Variants in RAI14 observed in about 807,000 individuals in gnomAD.
The protein encoded by RAI14 is ankycorbin.
Under a neutral mutation model 115.4 loss-of-function variants are expected in RAI14, and 45 were observed. That is an observed-to-expected ratio of 0.39 (90% confidence interval 0.31 to 0.50). The LOEUF is 0.50. Among genes scored for constraint, RAI14 ranks in the 20% least tolerant of loss-of-function variants. The pLI, the probability that RAI14 is intolerant of heterozygous loss-of-function variation, is 0.85. For missense variants in RAI14, 939 were observed against 1,131.2 expected (o/e 0.83, Z 2.44); for synonymous variants, 371 against 415.4 (o/e 0.89, Z 1.30).
intron 3 of RAI14, among the ~76,000 whole-genome samples, chr5:34,761,394 G>C (rs1268601575): frequency 2.0e-5 from 3 of 152,088 alleles, no homozygotes; most frequent in African/African-American, 7.2e-5. Flanking sequence ...TGTAATGATG[G>C]GGTCTTGCTG....
At chr5:34,727,730 A>G (rs1372247939) in intron 2 of RAI14, among the ~76,000 whole-genome samples, 36 of 152,212 alleles carry the variant, frequency 2.4e-4, no homozygotes, top group Admixed American at 2.4e-3. Flanking sequence ...ACAGGTGCCC[A>G]GAAATCAAGA....
rs747432780 is a variant in RAI14, at chr5:34,818,816, G to A, written c.959G>A (p.Arg320Gln). ...PPFKAEISSI[R>Q]ENKDRLSDST... ...CAATAGGCTGAGATCAGTTCTATAC[G>A]AGAAAACAAAGACAGACTAAGTGAC... The change falls in exon 13 of 18, where the codon CGA (arginine) becomes CAA (glutamine). Residue 320 changes from arginine to glutamine, a missense_variant. Physicochemically the swap from Arg to Gln is conservative, Grantham distance 43. Transcript: ENST00000265109. 6.8e-6 allele frequency: 11 copies of A among 1,611,518 alleles called. No homozygotes were observed. The highest frequency in any genetic ancestry group is 2.2e-5 in the South Asian group (2 of 90,592).
At chr5:34,687,718 C>A in intron 2 of RAI14, 1 of 1,551,380 alleles carries the variant, frequency 6.4e-7, no homozygotes. Context: ...TAGATGGAAG[C>A]CAAGGTATGT....
At chr5:34,828,638 A>C (rs1757697740) in intron 16 of RAI14, among the ~76,000 whole-genome samples, 1 of 152,218 alleles carries the variant, frequency 6.6e-6, no homozygotes, top group African/African-American at 2.4e-5. Flanking sequence ...TTTTGAAGTA[A>C]TCCATATATG....
chr5:34,781,569 C>T (rs892309772), intron 3 of RAI14, among the ~76,000 whole-genome samples: 2 of 152,128 alleles, frequency 1.3e-5, no homozygotes, highest in African/African-American at 4.8e-5. Flanking sequence ...AAATTCTCAT[C>T]TCTTAAATTT....
At chr5:34,772,138 C>T (rs908151432) in intron 3 of RAI14, among the ~76,000 whole-genome samples, 1 of 152,150 alleles carries the variant, frequency 6.6e-6, no homozygotes, top group African/African-American at 2.4e-5. Context: ...GTCTTGAACT[C>T]CTGAGCTCAG....
intron 4 of RAI14, among the ~76,000 whole-genome samples, chr5:34,801,546 A>T (rs1295109977): frequency 2.0e-5 from 3 of 152,120 alleles, no homozygotes; most frequent in Non-Finnish European, 4.4e-5. Flanking sequence ...GTTCGAGACC[A>T]GCCTGGCCAA....
intron 11 of RAI14, 66 bp downstream of exon 11, chr5:34,813,726 GT>G: frequency 7.4e-7 from 1 of 1,344,108 alleles, no homozygotes; most frequent in Non-Finnish European, 1.0e-6. Flanking sequence ...TTGTCATTTT[GT>G]TTAGGCCAAA....
chr5:34,692,542 T>C (rs914562549), intron 2 of RAI14, among the ~76,000 whole-genome samples: 2 of 151,174 alleles, frequency 1.3e-5, no homozygotes, highest in African/African-American at 4.9e-5. Flanking sequence ...TCAAAAAATA[T>C]AAAATAAAAT....
At chr5:34,746,436 G>A (rs79053399) in intron 2 of RAI14, among the ~76,000 whole-genome samples, 4 of 144,344 alleles carry the variant, frequency 2.8e-5, no homozygotes, top group East Asian at 4.2e-4. Flanking sequence ...ACAGACTCTC[G>A]CTCTGTAGCC....
chr5:34,706,593 A>G (rs1347050037), intron 2 of RAI14, among the ~76,000 whole-genome samples: 1 of 152,134 alleles, frequency 6.6e-6, no homozygotes, highest in African/African-American at 2.4e-5. Flanking sequence ...TTATTTCGGA[A>G]CTTTATTACA....
At chr5:34,725,962 CA>C (rs199657623) in intron 2 of RAI14, among the ~76,000 whole-genome samples, 189 of 113,702 alleles carry the variant, frequency 1.7e-3, no homozygotes, top group East Asian at 4.0e-3. Context: ...AACTGCTTCT[CA>C]AAAAAAAAAA....
intron 3 of RAI14, among the ~76,000 whole-genome samples, chr5:34,772,219 A>G (rs1023216881): frequency 6.6e-6 from 1 of 152,166 alleles, no homozygotes; most frequent in Non-Finnish European, 1.5e-5. Flanking sequence ...AGTTGTGTGC[A>G]TAGTGATTTA....
chr5:34,666,212 G>A (rs1743197706), intron 1 of RAI14, among the ~76,000 whole-genome samples: 5 of 151,724 alleles, frequency 3.3e-5, no homozygotes, highest in Non-Finnish European at 7.4e-5. Flanking sequence ...GATGTCCTGC[G>A]CCCCACTTGA....
intron 3 of RAI14, among the ~76,000 whole-genome samples, chr5:34,778,985 G>A (rs938238927): frequency 6.6e-6 from 1 of 151,990 alleles, no homozygotes; most frequent in African/African-American, 2.4e-5. Context: ...TAAAATACTG[G>A]CAAACCGAAT....
In RAI14 at chr5:34,811,839, C is replaced by A. The variant is rs1397423864; in HGVS notation, c.630C>A (p.Asp210Glu). 1 of 1,613,162 alleles carries A rather than the reference C, an allele frequency of 6.2e-7. No homozygotes were observed. Among genetic ancestry groups the A allele is most frequent in the East Asian group, 2.2e-5 (1 of 44,850 alleles). Reference sequence around the variant, plus strand: ...AAGCCTTAATTAAAAAGGGTGCAGACCTAAACCTTGTAGATTCTCTTGGAT... The same window carrying A: ...AAGCCTTAATTAAAAAGGGTGCAGAACTAAACCTTGTAGATTCTCTTGGAT... ...AVEALIKKGA[D>E]LNLVDSLGYN... The change falls in exon 9 of 18, where the codon GAC (aspartate) becomes GAA (glutamate). Residue 210 changes from aspartate (D) to glutamate (E), a missense_variant. Asp to Glu is a conservative substitution (Grantham distance 45). Transcript: ENST00000265109.
At chr5:34,738,766 C>T (rs1034119742) in intron 2 of RAI14, among the ~76,000 whole-genome samples, 3 of 152,190 alleles carry the variant, frequency 2.0e-5, no homozygotes, top group Non-Finnish European at 2.9e-5. Context: ...TAAGAGATAT[C>T]CTGAAATTTC....
At chr5:34,761,641 T>G (rs1748663837) in intron 3 of RAI14, among the ~76,000 whole-genome samples, 1 of 152,158 alleles carries the variant, frequency 6.6e-6, no homozygotes, top group Admixed American at 6.5e-5. Context: ...AGCTGTCTGC[T>G]CCCGCCCTCC....
At chr5:34,830,435 C>G (rs1757924290) in intron 17 of RAI14, among the ~76,000 whole-genome samples, 1 of 152,216 alleles carries the variant, frequency 6.6e-6, no homozygotes, top group African/African-American at 2.4e-5. Flanking sequence ...ACATTTGCAA[C>G]TGAGACCCCA....
Sources: allele counts gnomAD v4.1 joint callset (sites outside exome capture counted in the v4.1 genomes callset), GRCh38; gene constraint gnomAD v4.1.1; transcripts MANE v1.5; gene names NCBI Gene and HGNC (gene_info 2026-07-23, HGNC 2026-07-21).